KIF13B: variants seen among roughly 807,000 people sequenced by gnomAD.
The protein encoded by KIF13B is kinesin-like protein KIF13B.
Under a neutral mutation model 222.0 loss-of-function variants are expected in KIF13B, and 127 were observed. The observed-to-expected ratio is 0.57, with a 90% CI of 0.50 to 0.66. KIF13B has a LOEUF of 0.66. KIF13B is among the 30% of genes least tolerant of loss of function. KIF13B has a pLI of 0.00. For synonymous variants in KIF13B, 976 were observed against 919.0 expected (o/e 1.06, Z -1.12); for missense variants, 2,173 against 2,379.0 (o/e 0.91, Z 1.80).
At chr8:29,141,237 G>A (rs1385509340) in intron 19 of KIF13B, among the ~76,000 whole-genome samples, 1 of 151,936 alleles carries the variant, frequency 6.6e-6, no homozygotes, top group African/African-American at 2.4e-5. Context: ...GGGAGGCTGA[G>A]GCAGGAAAAT....
intron 1 of KIF13B, among the ~76,000 whole-genome samples, chr8:29,254,834 T>C (rs11774155): frequency 0.021 from 3,191 of 152,352 alleles, 46 homozygotes; most frequent in Middle Eastern, 0.031. Flanking sequence ...CAAAAGCCTG[T>C]ACATAAATGT....
chr8:29,203,103 G>A (rs1286683249), intron 2 of KIF13B, among the ~76,000 whole-genome samples: 1 of 152,096 alleles, frequency 6.6e-6, no homozygotes, highest in Non-Finnish European at 1.5e-5. Context: ...ATGTCATCTC[G>A]GCTAGACCAT....
intron 10 of KIF13B, among the ~76,000 whole-genome samples, chr8:29,169,130 C>T (rs189147689): frequency 3.3e-5 from 5 of 152,206 alleles, no homozygotes; most frequent in Non-Finnish European, 7.3e-5. Flanking sequence ...AAAGGCTTTT[C>T]CAATCTTATT....
In KIF13B at chr8:29,072,201, G is replaced by A. The variant is rs774220954; in HGVS notation, c.4637C>T (p.Ala1546Val). The change falls in exon 39 of 40, where the codon GCG becomes GTG. Residue 1546 changes from alanine to valine, a missense_variant. Physicochemically the swap from Ala to Val is moderately conservative, Grantham distance 64. Around this residue, in one of 2 missense-constraint regions of KIF13B, gnomAD observed 693 missense variants for 656.2 expected, o/e 1.06. Coordinates refer to ENST00000524189, the MANE Select transcript of KIF13B (RefSeq NM_015254.4). ...CTGTGCCTCCGGAGCCGGGGTGACC[G>A]CTGTGACAGCTATGACAGGCGGTGG... ...PSPPPVIAVTAVTPAPEAQDG... is the reference protein window; with the variant it reads ...PSPPPVIAVTVVTPAPEAQDG... 10 of 1,456,432 alleles carry A rather than the reference G, an allele frequency of 6.9e-6. No individual in the cohort carries two copies. The highest frequency in any genetic ancestry group is 1.5e-5 in the African/African-American group (1 of 67,600). 90.2% of individuals were successfully genotyped at this position (1,456,432 alleles called of 1,614,324 possible). A position where few individuals can be genotyped will look rare whatever the true frequency, so the allele number is the denominator to read the frequency against.
At chr8:29,142,675 C>T (rs555058693) in intron 18 of KIF13B, among the ~76,000 whole-genome samples, 2 of 152,110 alleles carry the variant, frequency 1.3e-5, no homozygotes, top group Non-Finnish European at 2.9e-5. Context: ...CCCCTCTCTA[C>T]TAAAAATACA....
chr8:29,072,821 C>A (rs1292300181), intron 38 of KIF13B, among the ~76,000 whole-genome samples: 1 of 152,176 alleles, frequency 6.6e-6, no homozygotes, highest in Non-Finnish European at 1.5e-5. Context: ...AGTAGGTGCA[C>A]GCTAAAACCC....
At chr8:29,213,879 G>A (rs189901764) in intron 2 of KIF13B, among the ~76,000 whole-genome samples, 249 of 152,182 alleles carry the variant, frequency 1.6e-3, no homozygotes, top group African/African-American at 5.9e-3. Context: ...GTTTGAATGC[G>A]GCAGGCGGAG....
In KIF13B at chr8:29,070,755, C is replaced by A. The variant is rs202164524; in HGVS notation, c.5230G>T (p.Gly1744Cys). 1 of 1,588,096 alleles carries A rather than the reference C, an allele frequency of 6.3e-7. No individual in the cohort carries two copies. The highest frequency in any genetic ancestry group is 2.3e-5 in the East Asian group (1 of 43,572). The change falls in exon 40 of 40, where the codon GGT (glycine) becomes TGT (cysteine). Residue 1744 changes from glycine to cysteine, a missense_variant. Physicochemically the swap from Gly to Cys is radical, Grantham distance 159. Coordinates refer to ENST00000524189, the MANE Select transcript of KIF13B (RefSeq NM_015254.4). The surrounding 1 kb of genome is among the most constrained non-coding windows in gnomAD (Gnocchi z 4.1). Reference protein sequence around the residue: ...ELDLPSGKNDGSIGGKQYFRC... With the variant: ...ELDLPSGKNDCSIGGKQYFRC... ...AAGTACTGCTTCCCGCCGATGGAAC[C>A]GTCATTCTTACCTGCGGGGGAAGGA... is the stretch of plus-strand genomic sequence containing the variant.
intron 21 of KIF13B, among the ~76,000 whole-genome samples, chr8:29,136,389 A>AC (rs1325705199): frequency 6.6e-6 from 1 of 151,768 alleles, no homozygotes; most frequent in Admixed American, 6.6e-5. Context: ...GACCAGCCTG[A>AC]CCAACATGGA....
At chr8:29,257,634 C>T (rs1816534044) in intron 1 of KIF13B, among the ~76,000 whole-genome samples, 3 of 152,220 alleles carry the variant, frequency 2.0e-5, no homozygotes, top group East Asian at 3.9e-4. Flanking sequence ...AAGTGAGACC[C>T]TATCTCTACA....
chr8:29,262,910 C>T lies in KIF13B; in HGVS notation c.55+70G>A, dbSNP rs1047946920. 12 of 1,330,222 alleles carry T rather than the reference C, an allele frequency of 9.0e-6. No individual in the cohort carries two copies. The African/African-American group carries it at 1.5e-4, about 17-fold the overall frequency. 82.4% of individuals were successfully genotyped at this position (1,330,222 alleles called of 1,614,324 possible). On this transcript the variant is annotated intron_variant, in intron 1 of 39. Coordinates refer to ENST00000524189, the MANE Select transcript of KIF13B (RefSeq NM_015254.4). ...GGCGGGGCCGCCGGACCCCCCACGG[C>T]GGCCGAGGGAAGGGCGCGCCAGGCA...
At chr8:29,255,376 C>T (rs1430544317) in intron 1 of KIF13B, among the ~76,000 whole-genome samples, 1 of 152,176 alleles carries the variant, frequency 6.6e-6, no homozygotes, top group African/African-American at 2.4e-5. Context: ...CATTCCTACA[C>T]ATTCACTACT....
rs1453237245 is a variant in KIF13B at position 29,069,091 on chromosome 8, T to A, written c.*1413A>T. The A allele has an allele frequency of 6.6e-6, 1 of 152,234 alleles. No homozygotes were observed. The highest frequency in any genetic ancestry group is 1.9e-4 in the East Asian group (1 of 5,198). The allele number at this position is 152,234 out of a possible 1,614,324, so 9.4% of individuals were successfully genotyped here. On this transcript the variant is annotated 3_prime_UTR_variant, in exon 40 of 40. Transcript: ENST00000524189. ...AGCCTTCCGCAGCGCTTTCTAGATG[T>A]TGACTAAATGTGAGAACTAGAAACC...
chr8:29,099,494 C>T (rs1808694539), intron 35 of KIF13B, among the ~76,000 whole-genome samples: 1 of 152,152 alleles, frequency 6.6e-6, no homozygotes, highest in African/African-American at 2.4e-5. Context: ...CCCGCCTCAG[C>T]CTCCATAGCA....
chr8:29,112,726 T>C (rs1277582986), intron 32 of KIF13B, among the ~76,000 whole-genome samples: 1 of 152,214 alleles, frequency 6.6e-6, no homozygotes, highest in Non-Finnish European at 1.5e-5. Context: ...TCACTTCTCC[T>C]GGCCCTGCAA....
At chr8:29,263,108 G>T, upstream of KIF13B, 1 of 1,449,900 alleles carries the variant, frequency 6.9e-7, no homozygotes, top group South Asian at 1.2e-5. Flanking sequence ...TTGACCCGGC[G>T]GGAGGGGGCC....
At chr8:29,182,719 A>G (rs971069708) in intron 6 of KIF13B, among the ~76,000 whole-genome samples, 1 of 152,060 alleles carries the variant, frequency 6.6e-6, no homozygotes, top group African/African-American at 2.4e-5. Context: ...ATTAAGAATA[A>G]TAATATAAAC....
chr8:29,236,002 C>T (rs1188602988), intron 2 of KIF13B, among the ~76,000 whole-genome samples: 1 of 152,124 alleles, frequency 6.6e-6, no homozygotes, highest in Non-Finnish European at 1.5e-5. Flanking sequence ...ATTAATTCAT[C>T]CACAGGACAG....
chr8:29,229,381 C>A (rs1430996117), intron 2 of KIF13B, among the ~76,000 whole-genome samples: 1 of 152,170 alleles, frequency 6.6e-6, no homozygotes, highest in Non-Finnish European at 1.5e-5. Flanking sequence ...CCCTGGGAAG[C>A]CTTGTAACAC....
Sources: allele counts gnomAD v4.1 joint callset (sites outside exome capture counted in the v4.1 genomes callset), GRCh38; gene constraint gnomAD v4.1.1; regional missense constraint gnomAD v4.1.1; non-coding constraint Gnocchi (gnomAD v3.1); transcripts MANE v1.5; gene names NCBI Gene and HGNC (gene_info 2026-07-23, HGNC 2026-07-21).